Variants in GAS5 observed in about 807,000 individuals in gnomAD.
GAS5 encodes the protein growth arrest specific 5 (non-protein coding).
upstream of GAS5, chr1:173,867,176 T>C (rs1654859842): frequency 5.2e-6 from 3 of 579,876 alleles, no homozygotes; most frequent in South Asian, 6.7e-5. Flanking sequence ...TAGCGACAGG[T>C]AAAGGATACA....
At chr1:173,865,277 C>T in intron 6 of GAS5, 1 of 418,438 alleles carries the variant, frequency 2.4e-6, no homozygotes. Flanking sequence ...AGCCGACTCT[C>T]CATACCTGTA....
chr1:173,864,692 T>C (rs1654280208), intron 6 of GAS5: 1 of 427,124 alleles, frequency 2.3e-6, no homozygotes, highest in Non-Finnish European at 4.6e-6. Context: ...TCTTCAATCA[T>C]GAATTCTGAG....
At chr1:173,867,461 G>C, upstream of GAS5, 1 of 359,856 alleles carries the variant, frequency 2.8e-6, no homozygotes, top group South Asian at 2.1e-5. Context: ...GCCATTAACC[G>C]ATGTCGAGCC....
intron 4 of GAS5, chr1:173,866,126 C>T (rs1028431332): frequency 4.0e-6 from 2 of 496,442 alleles, no homozygotes; most frequent in Non-Finnish European, 4.0e-6. Context: ...GCCATTTGTG[C>T]CGTAGGAAGT....
At chr1:173,865,800 A>C in intron 5 of GAS5, 1 of 516,054 alleles carries the variant, frequency 1.9e-6, no homozygotes, top group Non-Finnish European at 3.9e-6. Context: ...CTCAGCAGTA[A>C]GCATATCACC....
At chr1:173,866,969 CCAT>C in intron 1 of GAS5, 2 of 765,516 alleles carry the variant, frequency 2.6e-6, no homozygotes, top group South Asian at 2.7e-5. Context: ...ATTCTTCCCA[CCAT>C]ACTTTCCCCA....
chr1:173,867,620 G>A (rs1654980352), upstream of GAS5: 2 of 518,212 alleles, frequency 3.9e-6, no homozygotes, highest in South Asian at 1.4e-5. Context: ...GACGGCTGAT[G>A]GAGGCTCGGG....
chr1:173,866,476 G>T, intron 3 of GAS5: 1 of 645,204 alleles, frequency 1.5e-6, no homozygotes. Context: ...TCATTGCTTT[G>T]GCTATTTTCT....
chr1:173,864,874 T>TA, intron 6 of GAS5: 1 of 519,220 alleles, frequency 1.9e-6, no homozygotes, highest in South Asian at 1.4e-5. Context: ...TCATCAGCGT[T>TA]AGTCTGCTGA....
upstream of GAS5, chr1:173,867,630 G>A (rs751979038): frequency 3.1e-5 from 16 of 518,710 alleles, no homozygotes; most frequent in Non-Finnish European, 6.2e-5. Flanking sequence ...GGAGGCTCGG[G>A]TCACGGCCCT....
intron 3 of GAS5, chr1:173,866,438 G>A (rs1393149966): frequency 3.3e-6 from 2 of 605,186 alleles, no homozygotes. Flanking sequence ...TTGAAAAGAG[G>A]GGAGAGAAGC....
chr1:173,865,194 T>TA (rs528813679), intron 6 of GAS5: 65,763 of 294,376 alleles, frequency 0.22, 5,752 homozygotes, highest in African/African-American at 0.37. Flanking sequence ...GACTCTTGTC[T>TA]AAAAAAAAAA....
chr1:173,865,835 T>C (rs893069323), intron 5 of GAS5: 4 of 512,338 alleles, frequency 7.8e-6, no homozygotes, highest in African/African-American at 7.8e-5. Context: ...TAAGTCTATC[T>C]ACTGTTTTCA....
intron 6 of GAS5, chr1:173,865,433 GCTCA>G (rs1557870440): frequency 5.8e-6 from 3 of 515,152 alleles, no homozygotes; most frequent in South Asian, 4.2e-5. Flanking sequence ...ACTAACAGTA[GCTCA>G]ATCAATTAAC....
intron 6 of GAS5, chr1:173,865,375 A>AT (rs771821795): frequency 1.9e-6 from 1 of 515,346 alleles, no homozygotes; most frequent in Non-Finnish European, 3.9e-6. Flanking sequence ...ATTAATCTCC[A>AT]TTTTCTTTCT....
intron 6 of GAS5, chr1:173,865,194 TAA>T (rs528813679): frequency 0.018 from 5,161 of 289,374 alleles, no homozygotes; most frequent in South Asian, 0.03. Context: ...GACTCTTGTC[TAA>T]AAAAAAAAAA....
Position 173,866,781 on chromosome 1 carries a change from T to A in GAS5, n.71A>T, listed in dbSNP as rs13476. ...CTTACTTCAGTAGCTATTCTCATCC[T>A]TCCTTGGGGACACAACTAGAAAACA... On this transcript the variant is annotated non_coding_transcript_exon_variant, in exon 2 of 8. Coordinates refer to ENST00000651080, the Ensembl canonical transcript of GAS5. The A allele has an allele frequency of 0.024, 18,735 of 765,166 alleles. 2,110 individuals carry two copies. In the African/African-American group the frequency reaches 0.26, roughly 11 times the overall value. The allele number at this position is 765,166 out of a possible 1,614,324, so 47.4% of individuals were successfully genotyped here. A position where few individuals can be genotyped will look rare whatever the true frequency, so the allele number is the denominator to read the frequency against.
intron 4 of GAS5, chr1:173,866,060 CAA>C: frequency 1.9e-6 from 1 of 519,096 alleles, no homozygotes. Flanking sequence ...TTAATCATAA[CAA>C]GACAAGAATC....
At chr1:173,867,903 A>G (rs147481966), upstream of GAS5, 5 of 389,830 alleles carry the variant, frequency 1.3e-5, no homozygotes, top group Non-Finnish European at 2.1e-5. Flanking sequence ...GGGTGACCTT[A>G]GCAGACAAAG....
Sources: allele counts gnomAD v4.1 joint callset, GRCh38; gene constraint gnomAD v4.1.1; transcripts MANE v1.5; gene names NCBI Gene and HGNC (gene_info 2026-07-23, HGNC 2026-07-21).